PAPOLA: variants seen among roughly 807,000 people sequenced by gnomAD.
PAPOLA encodes the protein polynucleotide adenylyltransferase alpha.
In PAPOLA, 15 loss-of-function variants were observed where a neutral mutation model predicts 100.6. The observed-to-expected ratio is 0.15, with a 90% CI of 0.10 to 0.23. The LOEUF (loss-of-function observed/expected upper bound fraction) is 0.23. Ranked by LOEUF, PAPOLA falls within the 10% of genes least tolerant of loss-of-function variation. PAPOLA has a pLI of 1.00. For synonymous variants in PAPOLA, 293 were observed against 300.0 expected (o/e 0.98, Z 0.24); for missense variants, 533 against 884.2 (o/e 0.60, Z 5.04).
intron 1 of PAPOLA, among the ~76,000 whole-genome samples, chr14:96,517,648 G>A (rs1180577445): frequency 6.6e-6 from 1 of 150,520 alleles, no homozygotes; most frequent in Non-Finnish European, 1.5e-5. Context: ...CTTAGGAGAT[G>A]CTACATATGA....
intron 1 of PAPOLA, among the ~76,000 whole-genome samples, chr14:96,519,548 A>G (rs1486923097): frequency 6.6e-6 from 1 of 152,160 alleles, no homozygotes; most frequent in Non-Finnish European, 1.5e-5. Context: ...ATCATTAACA[A>G]GCTTAAGGTA....
chr14:96,512,320 G>T (rs757975667), intron 1 of PAPOLA, among the ~76,000 whole-genome samples: 3 of 151,782 alleles, frequency 2.0e-5, no homozygotes, highest in Non-Finnish European at 2.9e-5. Flanking sequence ...AGGGAGGATC[G>T]CCTGAGCTCA....
intron 15 of PAPOLA, among the ~76,000 whole-genome samples, chr14:96,544,961 T>C (rs1900270027): frequency 6.6e-6 from 1 of 152,038 alleles, no homozygotes. Flanking sequence ...AAATGGTGGA[T>C]GTAGTTGAGA....
At chr14:96,503,810 T>C (rs892864130) in intron 1 of PAPOLA, among the ~76,000 whole-genome samples, 2 of 152,208 alleles carry the variant, frequency 1.3e-5, no homozygotes, top group African/African-American at 2.4e-5. Flanking sequence ...TTTACAATTA[T>C]ATATGTGTGT....
At chr14:96,537,989 G>A (rs1188348294) in intron 12 of PAPOLA, 2 of 151,896 alleles carry the variant, frequency 1.3e-5, no homozygotes, top group African/African-American at 4.8e-5. Flanking sequence ...GCACTACGTT[G>A]TCAGTAAAAA....
chr14:96,561,607 C>T (rs922298385), intron 20 of PAPOLA, among the ~76,000 whole-genome samples: 1 of 152,162 alleles, frequency 6.6e-6, no homozygotes, highest in Non-Finnish European at 1.5e-5. Flanking sequence ...TGCTTTCCTG[C>T]TGTAATATTG....
intron 15 of PAPOLA, among the ~76,000 whole-genome samples, chr14:96,544,987 T>G (rs1298670770): frequency 1.3e-5 from 2 of 152,078 alleles, no homozygotes; most frequent in African/African-American, 4.8e-5. Context: ...AGTCTATATG[T>G]AGCTGCACAA....
At position 96,527,467 on chromosome 14, in the gene PAPOLA, T is replaced by C. The variant is rs750388984; in HGVS notation, c.369T>C (p.His123=). The change falls in exon 5 of 22, where the codon CAT becomes CAC. Residue 123 remains histidine (H), a synonymous_variant. Coordinates refer to ENST00000216277, the MANE Select transcript of PAPOLA (RefSeq NM_032632.5). ...DIDALCVAPR[H]VDRSDFFTSF... is the part of the protein sequence containing the mutation. ...ATGCGTTGTGTGTTGCACCAAGACA[T>C]GTTGATCGAAGTGACTTTTTCACCT... 8 of 1,613,224 alleles carry C rather than the reference T, an allele frequency of 5.0e-6. No individual in the cohort carries two copies. The highest frequency in any genetic ancestry group is 6.8e-6 in the Non-Finnish European group (8 of 1,179,228).
chr14:96,552,217 A>C (rs548140952), intron 16 of PAPOLA, among the ~76,000 whole-genome samples: 183 of 152,296 alleles, frequency 1.2e-3, no homozygotes, highest in Non-Finnish European at 2.3e-3. Flanking sequence ...TGTATCTTAC[A>C]GTCAGTATGT....
intron 9 of PAPOLA, chr14:96,533,844 C>T (rs1042058502): frequency 6.6e-5 from 65 of 982,464 alleles, no homozygotes; most frequent in African/African-American, 4.7e-4. Context: ...TGAGCCACCG[C>T]GTCCGGCTGT....
At chr14:96,534,298 G>GT (rs909341766) in intron 9 of PAPOLA, 193 bp from the exon 10 acceptor site, 57 of 1,381,482 alleles carry the variant, frequency 4.1e-5, no homozygotes, top group Admixed American at 3.9e-4. Flanking sequence ...CTACCAAATG[G>GT]TTTAAGTTCA....
At chr14:96,514,180 CTT>C (rs201921706) in intron 1 of PAPOLA, among the ~76,000 whole-genome samples, 20 of 138,804 alleles carry the variant, frequency 1.4e-4, no homozygotes, top group East Asian at 2.1e-4. Flanking sequence ...CATTAGGTAT[CTT>C]TTTTTTTTTT....
chr14:96,532,008 T>G (rs1351539307), intron 7 of PAPOLA: 22 of 1,238,318 alleles, frequency 1.8e-5, no homozygotes, highest in Middle Eastern at 3.2e-4. Context: ...TTGGAAACTT[T>G]AGTGGATTAA....
intron 9 of PAPOLA, chr14:96,532,932 A>G: frequency 9.1e-7 from 1 of 1,103,276 alleles, no homozygotes; most frequent in Non-Finnish European, 1.1e-6. Flanking sequence ...ATTTATTGAT[A>G]GGTTGGGAAA....
In PAPOLA at chr14:96,566,026, G is replaced by A; in HGVS notation, c.*976G>A. The A allele has an allele frequency of 2.5e-6, 1 of 396,864 alleles. No homozygotes were observed. Among genetic ancestry groups the A allele is most frequent in the Admixed American group, 4.4e-5 (1 of 22,690 alleles). 24.6% of individuals were successfully genotyped at this position (396,864 alleles called of 1,614,324 possible). On this transcript the variant is annotated 3_prime_UTR_variant, in exon 22 of 22. Transcript: ENST00000216277. The stretch of plus-strand genomic sequence containing the variant: ...TTGGTCCCATGGCTGAAACTTGAGG[G>A]TGACTAAAAGTAATGCCTGTGAAAC...
rs1242648997 is a variant in PAPOLA at position 96,532,492 on chromosome 14, G to T, written c.698-19G>T. On this transcript the variant is annotated intron_variant, in intron 8 of 21. Coordinates refer to ENST00000216277, the MANE Select transcript of PAPOLA (RefSeq NM_032632.5). ...TTGTTCAACACTAACTTATCTTTTT[G>T]CTTTTCCCTTATCAACAGGCCACAA... The T allele has an allele frequency of 6.2e-7, 1 of 1,603,342 alleles. No individual in the cohort carries two copies. The highest frequency in any genetic ancestry group is 1.1e-5 in the South Asian group (1 of 88,868).
At chr14:96,562,418 T>G (rs1185831988) in intron 20 of PAPOLA, 1 of 151,970 alleles carries the variant, frequency 6.6e-6, no homozygotes, top group Non-Finnish European at 1.5e-5. Context: ...TTTAGTAGTA[T>G]TGAATAAGTT....
intron 1 of PAPOLA, among the ~76,000 whole-genome samples, chr14:96,514,583 C>T (rs898368004): frequency 3.3e-5 from 5 of 152,148 alleles, no homozygotes; most frequent in African/African-American, 7.2e-5. Flanking sequence ...ACAAATATCC[C>T]GCCAAAATAA....
At chr14:96,507,642 T>C (rs1896824435) in intron 1 of PAPOLA, among the ~76,000 whole-genome samples, 1 of 152,238 alleles carries the variant, frequency 6.6e-6, no homozygotes, top group African/African-American at 2.4e-5. Context: ...ATAAATACTT[T>C]AAAAGTTCTT....
Sources: gnomAD v4.1 joint callset for allele counts (sites outside exome capture counted in the v4.1 genomes callset) on GRCh38, gnomAD v4.1.1 for gene constraint, MANE v1.5 for transcripts, NCBI Gene and HGNC (gene_info 2026-07-23, HGNC 2026-07-21) for gene names.